The following ARHGAP42 variants were observed in gnomAD, a reference collection of about 807,000 sequenced individuals.
ARHGAP42 encodes the protein rho GTPase-activating protein 42.
ARHGAP42 carries 63 observed loss-of-function variants against 125.0 expected under a neutral mutation model. The observed-to-expected ratio is 0.50, with a 90% CI of 0.41 to 0.62. The LOEUF (loss-of-function observed/expected upper bound fraction) is 0.62, where lower values mean the gene tolerates loss of function less well. ARHGAP42 is among the 20% of genes least tolerant of loss of function. The probability of loss-of-function intolerance (pLI) is 0.00; values close to 1 mark genes in which losing one functional copy is unlikely to be tolerated. For missense variants in ARHGAP42, 766 were observed against 1,024.2 expected (o/e 0.75, Z 3.44); for synonymous variants, 339 against 351.0 (o/e 0.97, Z 0.38).
At chr11:100,814,341 G>A (rs1297832164) in intron 3 of ARHGAP42, among the ~76,000 whole-genome samples, 1 of 138,648 alleles carries the variant, frequency 7.2e-6, no homozygotes, top group Non-Finnish European at 1.5e-5. Flanking sequence ...CCAACCTGGC[G>A]ACAGAGCAAG....
At chr11:100,965,832 C>T in intron 17 of ARHGAP42, 56 bp downstream of exon 17, 1 of 1,417,184 alleles carries the variant, frequency 7.1e-7, no homozygotes, top group Non-Finnish European at 9.7e-7. Flanking sequence ...TAAGTTTGTT[C>T]ATGTCTTTTT....
rs1555037006 is a variant in ARHGAP42, at chr11:100,980,559, C to CTTCTT, written c.2456+1512_2456+1513insCTTTT. Among the ~76,000 whole-genome samples the CTTCTT allele has an allele frequency of 3.0e-3, 158 of 51,924 alleles. 19 individuals carry two copies. The highest frequency in any genetic ancestry group is 4.9e-3 in the African/African-American group (85 of 17,414). The allele number at this position is 51,924 out of a possible 152,430, so 34.1% of individuals were successfully genotyped here. On this transcript the variant is annotated intron_variant, in intron 22 of 23. Coordinates refer to ENST00000298815, the MANE Select transcript of ARHGAP42 (RefSeq NM_152432.4). The stretch of plus-strand genomic sequence containing the variant: ...TCAAATCATACTTCTTTTTCTTCTT[C>CTTCTT]TTTTTTTTTTTTTTTTTTTTTTTTT...
In ARHGAP42 at chr11:100,959,879, T is replaced by C; in HGVS notation, c.1163-4T>C. ...ACCTAATGCGATTTCTCTCTTATTT[T>C]CAGTGTATTTGAATGAAGCAGGGTT... is the stretch of plus-strand genomic sequence containing the variant. On this transcript the variant is annotated splice_region_variant and splice_polypyrimidine_tract_variant and intron_variant, in intron 12 of 23. Transcript: ENST00000298815. The C allele has an allele frequency of 1.3e-6, 2 of 1,551,198 alleles. No individual in the cohort carries two copies. The highest frequency in any genetic ancestry group is 1.7e-6 in the Non-Finnish European group (2 of 1,146,388).
intron 1 of ARHGAP42, among the ~76,000 whole-genome samples, chr11:100,741,037 A>ATTTG (rs944267447): frequency 1.3e-5 from 2 of 152,010 alleles, no homozygotes; most frequent in African/African-American, 4.8e-5. Context: ...TTATTTATTT[A>ATTTG]TTTCTTTTTT....
chr11:100,836,867 G>A (rs1252730054), intron 3 of ARHGAP42, among the ~76,000 whole-genome samples: 1 of 149,468 alleles, frequency 6.7e-6, no homozygotes, highest in East Asian at 2.0e-4. Context: ...AACCAATTTT[G>A]AATGTTATTG....
At chr11:100,877,453 G>T (rs528894478) in intron 4 of ARHGAP42, among the ~76,000 whole-genome samples, 16 of 152,262 alleles carry the variant, frequency 1.1e-4, no homozygotes, top group African/African-American at 3.4e-4. Flanking sequence ...TACACTTTCA[G>T]GATAGATTCT....
In ARHGAP42 at chr11:100,928,655, A is replaced by G. The variant is rs190933456; in HGVS notation, c.598-4501A>G. On this transcript the variant is annotated intron_variant, in intron 6 of 23. Transcript: ENST00000298815. ...ACAGACAACTCATTTAAACTATACA[A>G]TTCAATGGAACTTTAGTATATTCAC... 7.2e-5 allele frequency among the ~76,000 whole-genome samples: 11 copies of G among 152,260 alleles called. No individual in the cohort carries two copies. In the East Asian group the frequency reaches 1.9e-3, roughly 27 times the overall value.
chr11:100,858,117 G>GTGTGTGTGTGTTTGTGTT (rs33909850), intron 3 of ARHGAP42, among the ~76,000 whole-genome samples: 1 of 134,536 alleles, frequency 7.4e-6, no homozygotes, highest in African/African-American at 2.6e-5. Context: ...GTGTGTGTGT[G>GTGTGTGTGTGTTTGTGTT]TGTGTGTTTA....
intron 9 of ARHGAP42, among the ~76,000 whole-genome samples, chr11:100,943,467 G>C (rs1477516312): frequency 6.6e-6 from 1 of 152,000 alleles, no homozygotes; most frequent in African/African-American, 2.4e-5. Flanking sequence ...AGAATTGAGG[G>C]ATTGTACATT....
At chr11:100,713,995 A>C (rs1378636974) in intron 1 of ARHGAP42, among the ~76,000 whole-genome samples, 1 of 152,214 alleles carries the variant, frequency 6.6e-6, no homozygotes, top group Non-Finnish European at 1.5e-5. Context: ...TAAAAAGAAA[A>C]AAAATAATTT....
chr11:100,967,154 A>G (rs2135308102), intron 17 of ARHGAP42, among the ~76,000 whole-genome samples: 1 of 152,246 alleles, frequency 6.6e-6, no homozygotes, highest in East Asian at 1.9e-4. Flanking sequence ...GCAACCTTTC[A>G]TGGCTGAAAA....
intron 1 of ARHGAP42, among the ~76,000 whole-genome samples, chr11:100,736,813 TAAGAA>T (rs1862078097): frequency 6.6e-6 from 1 of 152,116 alleles, no homozygotes; most frequent in South Asian, 2.1e-4. Context: ...TGTCTTCTGT[TAAGAA>T]AGAAAAAAAG....
In ARHGAP42 at chr11:100,910,867, T is replaced by C. The variant is rs118020170; in HGVS notation, c.385-2585T>C. Among the ~76,000 whole-genome samples, 40 of 152,108 alleles carry C rather than the reference T, an allele frequency of 2.6e-4. No homozygotes were observed. The East Asian group carries it at 7.3e-3, about 28-fold the overall frequency. Reference sequence around the variant, plus strand: ...ACCCTTGAGATCTTTTTTTCTGGCCTGGTGGTGTGAAGGGGCCTGGTTTGA... The same window carrying C: ...ACCCTTGAGATCTTTTTTTCTGGCCCGGTGGTGTGAAGGGGCCTGGTTTGA... On this transcript the variant is annotated intron_variant, in intron 4 of 23. Coordinates refer to ENST00000298815, the MANE Select transcript of ARHGAP42 (RefSeq NM_152432.4).
At chr11:100,817,673 A>T (rs1374140260) in intron 3 of ARHGAP42, among the ~76,000 whole-genome samples, 1 of 152,218 alleles carries the variant, frequency 6.6e-6, no homozygotes, top group African/African-American at 2.4e-5. Context: ...TTCTTACATG[A>T]ATGCTCTCAT....
chr11:100,791,609 C>T (rs1360491492), intron 2 of ARHGAP42, among the ~76,000 whole-genome samples: 1 of 151,220 alleles, frequency 6.6e-6, no homozygotes, highest in African/African-American at 2.4e-5. Flanking sequence ...AGAAATATGT[C>T]CTTTTCTGGA....
chr11:100,926,052 A>G (rs931510692), intron 6 of ARHGAP42, among the ~76,000 whole-genome samples: 5 of 152,218 alleles, frequency 3.3e-5, no homozygotes, highest in African/African-American at 1.2e-4. Context: ...CAGGGGTCTC[A>G]GAAGAATTTC....
intron 3 of ARHGAP42, among the ~76,000 whole-genome samples, chr11:100,798,472 T>C (rs1863773790): frequency 6.6e-6 from 1 of 152,190 alleles, no homozygotes; most frequent in Non-Finnish European, 1.5e-5. Context: ...ATCAAAAAGA[T>C]TATGACTTGC....
At chr11:100,931,599 G>A (rs1867583920) in intron 6 of ARHGAP42, among the ~76,000 whole-genome samples, 1 of 152,168 alleles carries the variant, frequency 6.6e-6, no homozygotes, top group Admixed American at 6.6e-5. Flanking sequence ...CATCCAGTTT[G>A]TAATGAGACA....
At chr11:100,797,559 G>C (rs1565218222) in intron 3 of ARHGAP42, among the ~76,000 whole-genome samples, 1 of 151,466 alleles carries the variant, frequency 6.6e-6, no homozygotes, top group Non-Finnish European at 1.5e-5. Context: ...TTACAGCATG[G>C]TTTACTGAGT....
Sources: gnomAD v4.1 joint callset for allele counts (sites outside exome capture counted in the v4.1 genomes callset) on GRCh38, gnomAD v4.1.1 for gene constraint, MANE v1.5 for transcripts, NCBI Gene and HGNC (gene_info 2026-07-23, HGNC 2026-07-21) for gene names.